The following KCNC2 variants were observed in gnomAD, a reference collection of about 807,000 sequenced individuals.
KCNC2 encodes the protein potassium voltage-gated channel subfamily C member 2.
Under a neutral mutation model 44.5 loss-of-function variants are expected in KCNC2, and 21 were observed. The observed-to-expected ratio is 0.47, with a 90% confidence interval of 0.33 to 0.68. KCNC2 has a LOEUF of 0.68. KCNC2 is among the 30% of genes least tolerant of loss of function. The pLI, the probability that KCNC2 is intolerant of heterozygous loss-of-function variation, is 0.01. For synonymous variants in KCNC2, 391 were observed against 339.1 expected (o/e 1.15, Z -1.68); for missense variants, 589 against 826.2 (o/e 0.71, Z 3.52).
chr12:75,144,381 A>G (rs1426668739), intron 2 of KCNC2, among the ~76,000 whole-genome samples: 1 of 152,202 alleles, frequency 6.6e-6, no homozygotes, highest in East Asian at 1.9e-4. Flanking sequence ...CCACTAGTAC[A>G]TTAATGTTTT....
chr12:75,091,534 C>A (rs1565846713), intron 2 of KCNC2, among the ~76,000 whole-genome samples: 1 of 151,620 alleles, frequency 6.6e-6, no homozygotes, highest in African/African-American at 2.4e-5. Flanking sequence ...TTGGAAAAAA[C>A]AATAGTACTT....
chr12:75,193,070 A>G (rs2030439522), intron 2 of KCNC2, among the ~76,000 whole-genome samples: 1 of 152,286 alleles, frequency 6.6e-6, no homozygotes, highest in South Asian at 2.1e-4. Context: ...GACACTGTTC[A>G]TAACTCTGGG....
intron 2 of KCNC2, among the ~76,000 whole-genome samples, chr12:75,067,354 T>C (rs527729763): frequency 2.6e-5 from 4 of 152,290 alleles, no homozygotes; most frequent in South Asian, 4.1e-4. Context: ...TACAAACAAG[T>C]AGATAGATCA....
Position 75,172,492 on chromosome 12 carries a change from GA to G in KCNC2, c.687+34804del, listed in dbSNP as rs927973338. Among the ~76,000 whole-genome samples the G allele has an allele frequency of 2.9e-3, 409 of 142,814 alleles. 3 individuals are homozygous for G. Among genetic ancestry groups the G allele is most frequent in the East Asian group, 0.015 (72 of 4,910 alleles). 93.7% of individuals were successfully genotyped at this position (142,814 alleles called of 152,430 possible). ...TGTAACCCTCAACTTAAAAGTTGAA[GA>G]AAAAAAAAAAAGTACATCCACCTTT... On this transcript the variant is annotated intron_variant, in intron 2 of 4. Transcript: ENST00000549446.
At chr12:75,044,691 T>C (rs1047458398) in intron 4 of KCNC2, 3 of 151,958 alleles carry the variant, frequency 2.0e-5, no homozygotes, top group African/African-American at 7.2e-5. Context: ...AAGAAAACGA[T>C]GAACATTCCC....
intron 2 of KCNC2, among the ~76,000 whole-genome samples, chr12:75,137,919 TACAG>T (rs1447721901): frequency 2.0e-5 from 3 of 152,170 alleles, no homozygotes; most frequent in African/African-American, 7.2e-5. Context: ...AAAATGAACA[TACAG>T]CATTGAGTTC....
chr12:75,182,934 G>T (rs999153422), intron 2 of KCNC2, among the ~76,000 whole-genome samples: 1 of 152,170 alleles, frequency 6.6e-6, no homozygotes, highest in South Asian at 2.1e-4. Context: ...GCCATGCAGT[G>T]TACTGAGATG....
chr12:75,133,211 T>C (rs1179196779), intron 2 of KCNC2, among the ~76,000 whole-genome samples: 3 of 151,996 alleles, frequency 2.0e-5, no homozygotes, highest in African/African-American at 7.2e-5. Flanking sequence ...TAAGATCTAG[T>C]GTTTGATAGC....
chr12:75,165,825 A>G (rs776247681), intron 2 of KCNC2, among the ~76,000 whole-genome samples: 1 of 151,556 alleles, frequency 6.6e-6, no homozygotes, highest in South Asian at 2.1e-4. Flanking sequence ...TATTTCAAGT[A>G]ACAGATATCT....
At chr12:75,064,495 AC>A (rs1368685715) in intron 2 of KCNC2, among the ~76,000 whole-genome samples, 1 of 152,054 alleles carries the variant, frequency 6.6e-6, no homozygotes, top group Non-Finnish European at 1.5e-5. Flanking sequence ...CAGCAAGTAT[AC>A]AGGGTCCAAT....
chr12:75,123,387 A>T (rs1471806947), intron 2 of KCNC2, among the ~76,000 whole-genome samples: 2 of 152,178 alleles, frequency 1.3e-5, no homozygotes, highest in Non-Finnish European at 2.9e-5. Context: ...TAAATGTTTT[A>T]AAAATACACT....
chr12:75,188,235 T>C (rs920829355), intron 2 of KCNC2, among the ~76,000 whole-genome samples: 1 of 152,122 alleles, frequency 6.6e-6, no homozygotes, highest in African/African-American at 2.4e-5. Flanking sequence ...AGAATTAGAG[T>C]TACAGTAGAC....
At chr12:75,047,523 A>AT (rs1165221010) in intron 4 of KCNC2, among the ~76,000 whole-genome samples, 19 of 151,960 alleles carry the variant, frequency 1.3e-4, no homozygotes, top group Admixed American at 1.2e-3. Flanking sequence ...TAATAAAAGG[A>AT]TTTTTTATTA....
chr12:75,151,360 T>A (rs1409302015), intron 2 of KCNC2, among the ~76,000 whole-genome samples: 1 of 151,974 alleles, frequency 6.6e-6, no homozygotes, highest in African/African-American at 2.4e-5. Context: ...AGTATCAAGG[T>A]CTTCGTTCGG....
At position 75,207,710 on chromosome 12, in the gene KCNC2, C is replaced by G; in HGVS notation, c.274G>C (p.Ala92Pro). 1 of 1,582,170 alleles carries G rather than the reference C, an allele frequency of 6.3e-7. No individual in the cohort carries two copies. The highest frequency in any genetic ancestry group is 1.1e-5 in the South Asian group (1 of 87,876). Residue 92 changes from alanine (A) to proline (P), a missense_variant, in exon 2 of 5, where the codon GCC becomes CCC. Around this residue, in one of 7 missense-constraint regions of KCNC2, gnomAD observed 148 missense variants for 140.1 expected, o/e 1.06. Coordinates refer to ENST00000549446, the MANE Select transcript of KCNC2 (RefSeq NM_139137.4). The surrounding 1 kb of genome is among the most constrained non-coding windows in gnomAD (Gnocchi z 4.1). Reference protein sequence around the residue: ...AGNCSSRGGRASDHPGGGREF... With the variant: ...AGNCSSRGGRPSDHPGGGREF... ...CGGCCGCCACCGGGATGGTCGCTGG[C>G]CCTGCCGCCGCGGGAACTGCAGTTG...
chr12:75,193,717 T>G (rs2030513096), intron 2 of KCNC2, among the ~76,000 whole-genome samples: 1 of 152,104 alleles, frequency 6.6e-6, no homozygotes, highest in African/African-American at 2.4e-5. Flanking sequence ...CAAATAAAAC[T>G]TACTTTTTTA....
chr12:75,204,669 G>A (rs151307103), intron 2 of KCNC2, among the ~76,000 whole-genome samples: 9 of 152,208 alleles, frequency 5.9e-5, no homozygotes, highest in Admixed American at 2.6e-4. Context: ...GAATTGTGTC[G>A]ATGCAAAATA....
chr12:75,053,815 T>C (rs2136956624), intron 2 of KCNC2, among the ~76,000 whole-genome samples: 1 of 148,158 alleles, frequency 6.7e-6, no homozygotes, highest in African/African-American at 2.4e-5. Flanking sequence ...ATATATATAG[T>C]AATATTTTTA....
rs1311165456 is a variant in KCNC2, at chr12:75,207,403, T to C, written c.581A>G (p.Asp194Gly). The part of the protein sequence containing the change: ...DLAAKRLGIE[D>G]AAGLGGPDGK... ...GTCGGGGCCCCCGAGCCCCGCCGCG[T>C]CCTCGATGCCCAGCCTCTTGGCCGC... The change falls in exon 2 of 5, where the codon GAC becomes GGC. Residue 194 changes from aspartate (D) to glycine (G), a missense_variant. This residue lies in a region of KCNC2 where 97 missense variants were observed against 73.3 expected (regional missense o/e 1.32). Coordinates refer to ENST00000549446, the MANE Select transcript of KCNC2 (RefSeq NM_139137.4). The surrounding 1 kb of genome is among the most constrained non-coding windows in gnomAD (Gnocchi z 4.1). The C allele has an allele frequency of 6.3e-7, 1 of 1,594,816 alleles. No individual in the cohort carries two copies. The highest frequency in any genetic ancestry group is 8.5e-7 in the Non-Finnish European group (1 of 1,171,382).
Sources: gnomAD v4.1 joint callset for allele counts (sites outside exome capture counted in the v4.1 genomes callset) on GRCh38, gnomAD v4.1.1 for gene constraint, gnomAD v4.1.1 regional missense constraint, Gnocchi (gnomAD v3.1) non-coding constraint, MANE v1.5 for transcripts, NCBI Gene and HGNC (gene_info 2026-07-23, HGNC 2026-07-21) for gene names.